CPA6: variants seen among roughly 807,000 people sequenced by gnomAD.
The protein encoded by CPA6 is carboxypeptidase A6.
A neutral mutation model predicts 63.3 loss-of-function variants in CPA6; 58 were observed. That is an observed-to-expected ratio of 0.92 (90% CI 0.74 to 1.14). The LOEUF is 1.14. Ranked by LOEUF, CPA6 falls within the 50% of genes most tolerant of loss-of-function variation. CPA6 has a pLI of 0.00. For missense variants in CPA6, 565 were observed against 526.6 expected, an observed-to-expected ratio of 1.07 and a Z score of -0.71; for synonymous variants, 185 against 179.0, an observed-to-expected ratio of 1.03 and a Z score of -0.27.
intron 9 of CPA6, among the ~76,000 whole-genome samples, chr8:67,432,114 G>T (rs1413160692): frequency 6.6e-6 from 1 of 152,124 alleles, no homozygotes; most frequent in African/African-American, 2.4e-5. Flanking sequence ...AGATGACTTG[G>T]GGCTGGAGGC....
intron 1 of CPA6, among the ~76,000 whole-genome samples, chr8:67,642,482 T>C (rs1004083861): frequency 6.6e-6 from 1 of 152,158 alleles, no homozygotes; most frequent in African/African-American, 2.4e-5. Flanking sequence ...TTTGGTGGAA[T>C]TGGACAAACT....
intron 2 of CPA6, among the ~76,000 whole-genome samples, chr8:67,584,625 A>G (rs2128979236): frequency 1.3e-5 from 2 of 152,310 alleles, no homozygotes; most frequent in African/African-American, 4.8e-5. Context: ...AAAGGGTAGA[A>G]GCAGATGAGC....
intron 1 of CPA6, among the ~76,000 whole-genome samples, chr8:67,701,278 G>A (rs117739724): frequency 3.9e-5 from 6 of 152,270 alleles, no homozygotes; most frequent in African/African-American, 1.2e-4. Flanking sequence ...CATGAATCAA[G>A]TTAATCTTGT....
chr8:67,559,718 C>T (rs763897847), intron 2 of CPA6, among the ~76,000 whole-genome samples: 9 of 152,002 alleles, frequency 5.9e-5, no homozygotes, highest in Non-Finnish European at 1.2e-4. Context: ...TAAAACCTTT[C>T]CATATCACAG....
intron 4 of CPA6, among the ~76,000 whole-genome samples, chr8:67,510,380 C>G (rs1194933908): frequency 6.6e-6 from 1 of 151,390 alleles, no homozygotes; most frequent in Non-Finnish European, 1.5e-5. Context: ...TCTTTCTATT[C>G]TTATTTAATC....
chr8:67,744,582 G>A (rs1817972571), intron 1 of CPA6, among the ~76,000 whole-genome samples: 1 of 152,096 alleles, frequency 6.6e-6, no homozygotes, highest in Admixed American at 6.5e-5. Flanking sequence ...GAGGTCTTAG[G>A]TCATACACGT....
chr8:67,733,757 GGGGGGCGGT>G (rs1817759655), intron 1 of CPA6, among the ~76,000 whole-genome samples: 1 of 151,634 alleles, frequency 6.6e-6, no homozygotes, highest in African/African-American at 2.4e-5. Context: ...GGAAAGGAGT[GGGGGGCGGT>G]GGGGGCGGGA....
intron 1 of CPA6, among the ~76,000 whole-genome samples, chr8:67,654,950 T>C (rs2128991997): frequency 6.6e-6 from 1 of 152,282 alleles, no homozygotes; most frequent in Admixed American, 6.5e-5. Context: ...TGATTTAATT[T>C]TTGTACTCTT....
At chr8:67,606,212 A>T (rs1257233004) in intron 2 of CPA6, among the ~76,000 whole-genome samples, 1 of 150,932 alleles carries the variant, frequency 6.6e-6, no homozygotes, top group East Asian at 2.0e-4. Flanking sequence ...GGATAGCATT[A>T]GGAGATATAC....
chr8:67,604,218 A>G (rs896729880), intron 2 of CPA6, among the ~76,000 whole-genome samples: 2 of 152,234 alleles, frequency 1.3e-5, no homozygotes, highest in African/African-American at 4.8e-5. Flanking sequence ...CAGATTGTGT[A>G]AGAGAATAAC....
intron 2 of CPA6, among the ~76,000 whole-genome samples, chr8:67,576,787 C>T (rs541729550): frequency 1.3e-5 from 2 of 152,124 alleles, no homozygotes; most frequent in South Asian, 2.1e-4. Flanking sequence ...AACATAAAGC[C>T]GCTGAGTTGT....
intron 1 of CPA6, among the ~76,000 whole-genome samples, chr8:67,638,875 CAG>C (rs1224851960): frequency 2.6e-5 from 4 of 151,414 alleles, no homozygotes; most frequent in Non-Finnish European, 5.9e-5. Flanking sequence ...GCCTCTTTTT[CAG>C]AGTCTTTCCT....
At chr8:67,515,387 C>T (rs1302654148) in intron 3 of CPA6, among the ~76,000 whole-genome samples, 1 of 152,128 alleles carries the variant, frequency 6.6e-6, no homozygotes, top group African/African-American at 2.4e-5. Context: ...TTCCTACATT[C>T]TCTAGCCTCT....
intron 1 of CPA6, among the ~76,000 whole-genome samples, chr8:67,663,859 A>G (rs1816172017): frequency 1.3e-5 from 2 of 152,230 alleles, no homozygotes; most frequent in African/African-American, 2.4e-5. Context: ...AGCCTCCAAC[A>G]TAATGTTTTG....
chr8:67,453,100 T>C (rs1051212289), intron 8 of CPA6, among the ~76,000 whole-genome samples: 3 of 151,484 alleles, frequency 2.0e-5, no homozygotes, highest in African/African-American at 7.3e-5. Flanking sequence ...GGATGGAGAG[T>C]GTGTGTTTGT....
At position 67,653,156 on chromosome 8, in the gene CPA6, G is replaced by T. The variant is rs538552113; in HGVS notation, c.117-28905C>A. Among the ~76,000 whole-genome samples, 711 of 150,842 alleles carry T rather than the reference G, an allele frequency of 4.7e-3. 2 individuals carry two copies. Among genetic ancestry groups the T allele is most frequent in the Non-Finnish European group, 6.4e-3 (426 of 67,054 alleles). ...TTGGTTACTGTAGCCTTGTAGTATA[G>T]TTTGAAGTCAGGTAGTGTGATGCCT... On this transcript the variant is annotated intron_variant, in intron 1 of 10. Transcript: ENST00000297770.
chr8:67,738,059 A>G (rs1189862046), intron 1 of CPA6, among the ~76,000 whole-genome samples: 1 of 152,228 alleles, frequency 6.6e-6, no homozygotes, highest in Admixed American at 6.5e-5. Context: ...CTGGAAGTCC[A>G]AAATTCTAAA....
intron 2 of CPA6, among the ~76,000 whole-genome samples, chr8:67,587,944 C>T (rs764957438): frequency 6.6e-6 from 1 of 152,022 alleles, no homozygotes. Context: ...ATAGCTAGTG[C>T]CATTGGTTGA....
intron 8 of CPA6, among the ~76,000 whole-genome samples, chr8:67,456,161 G>A (rs756345232): frequency 6.6e-6 from 1 of 152,196 alleles, no homozygotes; most frequent in Non-Finnish European, 1.5e-5. Flanking sequence ...AATAACCGTT[G>A]TGTAACTTAA....
Sources: allele counts gnomAD v4.1 joint callset (sites outside exome capture counted in the v4.1 genomes callset), GRCh38; gene constraint gnomAD v4.1.1; transcripts MANE v1.5; gene names NCBI Gene and HGNC (gene_info 2026-07-23, HGNC 2026-07-21).